Variants in GSE1 observed in about 807,000 individuals in gnomAD.
GSE1 encodes Gse1 coiled-coil protein, also known as genetic suppressor element 1.
A neutral mutation model predicts 112.6 loss-of-function variants in GSE1; 32 were observed. The ratio of observed to expected loss-of-function variants is 0.28; its 90% CI spans 0.21 to 0.38. The LOEUF is 0.38. Among genes scored for constraint, GSE1 ranks in the 10% least tolerant of loss-of-function variants. The pLI, the probability that GSE1 is intolerant of heterozygous loss-of-function variation, is 1.00. For missense variants in GSE1, 2,348 were observed against 1,699.2 expected (o/e 1.38, Z -6.71); for synonymous variants, 1,115 against 735.6 (o/e 1.52, Z -8.35).
At chr16:85,560,128 C>CTTTTTTTTTTTTTTTT (rs377241566) in intron 1 of GSE1, among the ~76,000 whole-genome samples, 1 of 99,162 alleles carries the variant, frequency 1.0e-5, no homozygotes, top group Non-Finnish European at 1.9e-5. Context: ...TCTTCTTCTT[C>CTTTTTTTTTTTTTTTT]TTTTTTTTTT....
At chr16:85,623,869 G>T (rs1403097160) in intron 1 of GSE1, among the ~76,000 whole-genome samples, 1 of 152,192 alleles carries the variant, frequency 6.6e-6, no homozygotes, top group Non-Finnish European at 1.5e-5. Flanking sequence ...TTGAGCACCT[G>T]TTGGTGTCCA....
intron 1 of GSE1, among the ~76,000 whole-genome samples, chr16:85,217,520 C>CA (rs1351105414): frequency 1.3e-5 from 2 of 152,196 alleles, no homozygotes; most frequent in Non-Finnish European, 2.9e-5. Context: ...ATCCCAGGCT[C>CA]AGAGAGTGCG....
chr16:85,452,959 T>G (rs1442321035), intron 2 of GSE1, among the ~76,000 whole-genome samples: 1 of 152,218 alleles, frequency 6.6e-6, no homozygotes, highest in Admixed American at 6.5e-5. Flanking sequence ...TCCCTGGAGC[T>G]TTCTGGCTTC....
intron 1 of GSE1, among the ~76,000 whole-genome samples, chr16:85,613,944 G>C (rs2048184088): frequency 6.6e-6 from 1 of 151,164 alleles, no homozygotes; most frequent in Non-Finnish European, 1.5e-5. Context: ...CCTTGTCTCG[G>C]GGGAGTTGGT....
intron 1 of GSE1, among the ~76,000 whole-genome samples, chr16:85,288,711 G>A (rs556802102): frequency 6.6e-6 from 1 of 152,338 alleles, no homozygotes; most frequent in South Asian, 2.1e-4. Flanking sequence ...TGGGGTCCAG[G>A]CAGGCTTCCT....
intron 3 of GSE1, among the ~76,000 whole-genome samples, chr16:85,650,620 G>A (rs143173613): frequency 2.3e-3 from 351 of 152,332 alleles, no homozygotes; most frequent in Non-Finnish European, 3.8e-3. Flanking sequence ...GCAGGGGCGC[G>A]ACAGGCCCGC....
intron 2 of GSE1, among the ~76,000 whole-genome samples, chr16:85,648,170 T>C (rs942749008): frequency 1.3e-5 from 2 of 151,974 alleles, no homozygotes; most frequent in Non-Finnish European, 2.9e-5. Flanking sequence ...TGGGGCTCCA[T>C]GTCTGTCCCG....
chr16:85,509,216 C>G (rs369827958), intron 2 of GSE1, among the ~76,000 whole-genome samples: 1 of 152,270 alleles, frequency 6.6e-6, no homozygotes, highest in South Asian at 2.1e-4. Context: ...TGCACGTGGA[C>G]GCAAGGGGGC....
chr16:85,654,639 T>TC (rs1343274362), intron 4 of GSE1, among the ~76,000 whole-genome samples, 155 bp from the exon 5 acceptor site: 1 of 151,746 alleles, frequency 6.6e-6, no homozygotes, highest in Non-Finnish European at 1.5e-5. Flanking sequence ...GGCAGCTCGC[T>TC]CCCCCCGCTG....
At chr16:85,408,440 C>T (rs2048378184) in intron 2 of GSE1, among the ~76,000 whole-genome samples, 1 of 47,458 alleles carries the variant, frequency 2.1e-5, no homozygotes, top group Non-Finnish European at 3.9e-5. Flanking sequence ...ATAATCCTCA[C>T]TGTTACACTC....
At chr16:85,627,792 A>G (rs2049201651) in intron 1 of GSE1, among the ~76,000 whole-genome samples, 1 of 152,224 alleles carries the variant, frequency 6.6e-6, no homozygotes, top group Admixed American at 6.5e-5. Context: ...GTCAATGTCC[A>G]GGAGCGCAGA....
At chr16:85,425,246 G>T (rs1170658344) in intron 2 of GSE1, among the ~76,000 whole-genome samples, 2 of 147,922 alleles carry the variant, frequency 1.4e-5, no homozygotes, top group Non-Finnish European at 3.0e-5. Context: ...GAGAGGATTT[G>T]ACTCTTGGCA....
chr16:85,394,095 A>T (rs1310773204), intron 2 of GSE1, among the ~76,000 whole-genome samples: 1 of 148,534 alleles, frequency 6.7e-6, no homozygotes, highest in Non-Finnish European at 1.5e-5. Context: ...CGGGTTGTTG[A>T]CCCCCTGGGA....
At chr16:85,391,497 G>A (rs2047837979) in intron 2 of GSE1, among the ~76,000 whole-genome samples, 3 of 152,198 alleles carry the variant, frequency 2.0e-5, no homozygotes, top group African/African-American at 7.2e-5. Context: ...GATGCTTCCT[G>A]CCTCTTCCAG....
chr16:85,401,056 G>A (rs1212414109), intron 2 of GSE1, among the ~76,000 whole-genome samples: 1 of 152,164 alleles, frequency 6.6e-6, no homozygotes, highest in African/African-American at 2.4e-5. Context: ...CCTCCGCGTG[G>A]AGGCCAAACC....
intron 2 of GSE1, among the ~76,000 whole-genome samples, chr16:85,483,897 G>T (rs1008402964): frequency 6.6e-6 from 1 of 152,228 alleles, no homozygotes; most frequent in Non-Finnish European, 1.5e-5. Flanking sequence ...GGCCCTGCCC[G>T]TCACGGGTAC....
chr16:85,400,557 G>A (rs1567736926), intron 2 of GSE1, among the ~76,000 whole-genome samples: 1 of 151,294 alleles, frequency 6.6e-6, no homozygotes, highest in African/African-American at 2.4e-5. Context: ...TGTGTGTTGC[G>A]TGTGGTTGTG....
At chr16:85,483,256 A>G (rs1241009509) in intron 2 of GSE1, among the ~76,000 whole-genome samples, 3 of 152,252 alleles carry the variant, frequency 2.0e-5, no homozygotes, top group African/African-American at 7.2e-5. Context: ...CCGAGCTTTC[A>G]GAGGAGGAAG....
At chr16:85,507,104 G>A (rs550581119) in intron 2 of GSE1, among the ~76,000 whole-genome samples, 1 of 152,294 alleles carries the variant, frequency 6.6e-6, no homozygotes, top group East Asian at 1.9e-4. Flanking sequence ...GCGTGGCTGT[G>A]TGGCTGAGAA....
Sources: gnomAD v4.1 joint callset for allele counts (sites outside exome capture counted in the v4.1 genomes callset) on GRCh38, gnomAD v4.1.1 for gene constraint, MANE v1.5 for transcripts, NCBI Gene and HGNC (gene_info 2026-07-23, HGNC 2026-07-21) for gene names.